TYW1B: variants seen among roughly 807,000 people sequenced by gnomAD.
TYW1B encodes the protein S-adenosyl-L-methionine-dependent tRNA 4-demethylwyosine synthase TYW1B.
A neutral mutation model predicts 86.9 loss-of-function variants in TYW1B; 73 were observed. That is an observed-to-expected ratio of 0.84 (90% CI 0.70 to 1.02). The LOEUF (loss-of-function observed/expected upper bound fraction) is 1.02, where lower values mean the gene tolerates loss of function less well. Ranked by LOEUF, TYW1B falls within the 50% of genes least tolerant of loss-of-function variation. TYW1B has a pLI of 0.00. For synonymous variants in TYW1B, 248 were observed against 292.8 expected (o/e 0.85, Z 1.56); for missense variants, 637 against 827.4 (o/e 0.77, Z 2.82).
intron 13 of TYW1B, among the ~76,000 whole-genome samples, chr7:72,600,612 A>G (rs1349844114): frequency 1.3e-5 from 2 of 152,224 alleles, no homozygotes; most frequent in Non-Finnish European, 2.9e-5. Flanking sequence ...TCTGCTAAAC[A>G]ATTTGCATCC....
chr7:72,747,746 C>G (rs1384579594), intron 7 of TYW1B, among the ~76,000 whole-genome samples: 1 of 152,168 alleles, frequency 6.6e-6, no homozygotes, highest in African/African-American at 2.4e-5. Flanking sequence ...TGCATTCAAC[C>G]TACAGAATCA....
intron 9 of TYW1B, among the ~76,000 whole-genome samples, chr7:72,728,469 G>A (rs1787045667): frequency 6.6e-6 from 1 of 152,034 alleles, no homozygotes; most frequent in Non-Finnish European, 1.5e-5. Flanking sequence ...ATCATGCCCA[G>A]TTAATTTTTG....
intron 11 of TYW1B, among the ~76,000 whole-genome samples, chr7:72,670,337 G>A (rs186632224): frequency 2.6e-5 from 4 of 152,202 alleles, no homozygotes; most frequent in African/African-American, 9.6e-5. Flanking sequence ...GATTACAGGC[G>A]CCTACCACCA....
At chr7:72,669,976 T>TAAATAAATAAATAAATAAAG (rs1354609902) in intron 11 of TYW1B, among the ~76,000 whole-genome samples, 1 of 127,364 alleles carries the variant, frequency 7.9e-6, no homozygotes, top group African/African-American at 2.8e-5. Context: ...AATAAATAAA[T>TAAATAAATAAATAAATAAAG]AAAGATTAGC....
rs202040924 is a variant in TYW1B at position 72,783,492 on chromosome 7, TA to T, written c.847-5960del. 3.9e-3 allele frequency among the ~76,000 whole-genome samples: 596 copies of T among 152,062 alleles called. 2 individuals are homozygous for T. Among genetic ancestry groups the T allele is most frequent in the African/African-American group, 0.013 (560 of 41,516 alleles). On this transcript the variant is annotated intron_variant, in intron 6 of 13. Coordinates refer to ENST00000620995, the MANE Select transcript of TYW1B (RefSeq NM_001145440.3). The stretch of plus-strand genomic sequence containing the variant: ...TCATATCACTGAAAAGGAGTCACGG[TA>T]AAAAAATTAAGTAAATTATTAATAT...
chr7:72,804,524 C>T (rs781961409), intron 5 of TYW1B, among the ~76,000 whole-genome samples: 2 of 151,924 alleles, frequency 1.3e-5, no homozygotes, highest in Non-Finnish European at 2.9e-5. Flanking sequence ...GGCCATGCTC[C>T]CAAAACTTTT....
intron 13 of TYW1B, among the ~76,000 whole-genome samples, chr7:72,597,664 T>C (rs1365120273): frequency 6.6e-6 from 1 of 152,114 alleles, no homozygotes; most frequent in Non-Finnish European, 1.5e-5. Flanking sequence ...GTGACAATGA[T>C]AGGATTACAG....
chr7:72,669,214 G>A (rs556942889), intron 11 of TYW1B, among the ~76,000 whole-genome samples: 11 of 126,812 alleles, frequency 8.7e-5, no homozygotes, highest in Admixed American at 2.1e-4. Flanking sequence ...GCGCTATCTC[G>A]GCTCATTCCA....
At chr7:72,820,866 A>G (rs1435017950) in intron 2 of TYW1B, among the ~76,000 whole-genome samples, 1 of 152,234 alleles carries the variant, frequency 6.6e-6, no homozygotes, top group Non-Finnish European at 1.5e-5. Flanking sequence ...CAGACAAAAT[A>G]TCATGGCGGT....
At chr7:72,615,616 C>A (rs1812055005) in intron 13 of TYW1B, among the ~76,000 whole-genome samples, 2 of 152,082 alleles carry the variant, frequency 1.3e-5, no homozygotes, top group African/African-American at 4.8e-5. Context: ...ACAACAAACA[C>A]ACGCCCACAG....
intron 9 of TYW1B, among the ~76,000 whole-genome samples, chr7:72,719,490 G>GC (rs1786852350): frequency 6.6e-6 from 1 of 151,810 alleles, no homozygotes; most frequent in African/African-American, 2.4e-5. Context: ...CATTAGCCGG[G>GC]CATGGTGGCA....
chr7:72,633,513 T>G (rs1276033348), intron 11 of TYW1B, among the ~76,000 whole-genome samples: 1 of 152,208 alleles, frequency 6.6e-6, no homozygotes, highest in Admixed American at 6.5e-5. Context: ...CATGAATGTA[T>G]AACTCCAGGG....
intron 13 of TYW1B, among the ~76,000 whole-genome samples, chr7:72,583,671 C>T (rs1346980930): frequency 3.3e-5 from 5 of 152,200 alleles, no homozygotes; most frequent in African/African-American, 1.2e-4. Context: ...ACATCAACAA[C>T]CTCAGCCAAA....
chr7:72,809,192 G>A (rs1262901231), intron 4 of TYW1B, among the ~76,000 whole-genome samples: 18 of 151,704 alleles, frequency 1.2e-4, no homozygotes, highest in South Asian at 4.2e-4. Context: ...ACAGGCGCCC[G>A]TCACCACACC....
intron 13 of TYW1B, among the ~76,000 whole-genome samples, chr7:72,610,044 T>C (rs1554435646): frequency 6.6e-6 from 1 of 152,156 alleles, no homozygotes; most frequent in African/African-American, 2.4e-5. Flanking sequence ...AACTGCTAGC[T>C]TGAGATAGTT....
At chr7:72,791,591 C>G (rs186080289) in intron 6 of TYW1B, among the ~76,000 whole-genome samples, 1 of 151,996 alleles carries the variant, frequency 6.6e-6, no homozygotes, top group Non-Finnish European at 1.5e-5. Context: ...TCCTGGCTAA[C>G]ATGGTGAAAC....
chr7:72,770,246 T>A (rs770711111), intron 7 of TYW1B, among the ~76,000 whole-genome samples: 1 of 151,474 alleles, frequency 6.6e-6, no homozygotes, highest in East Asian at 1.9e-4. Flanking sequence ...CTGGCTAACA[T>A]GGTGAAACCC....
intron 7 of TYW1B, among the ~76,000 whole-genome samples, chr7:72,760,033 C>T (rs184648427): frequency 6.4e-4 from 97 of 152,108 alleles, no homozygotes; most frequent in Admixed American, 4.1e-3. Context: ...TTGCTTTTTC[C>T]GGCACACAGA....
intron 9 of TYW1B, among the ~76,000 whole-genome samples, chr7:72,717,324 C>G (rs189973202): frequency 2.0e-5 from 3 of 151,488 alleles, no homozygotes; most frequent in Admixed American, 2.0e-4. Flanking sequence ...AAAAATCATG[C>G]AGTTTATACA....
Sources: allele counts gnomAD v4.1 joint callset (sites outside exome capture counted in the v4.1 genomes callset), GRCh38; gene constraint gnomAD v4.1.1; transcripts MANE v1.5; gene names NCBI Gene and HGNC (gene_info 2026-07-23, HGNC 2026-07-21).